The following SPTBN1 variants were observed in gnomAD, a reference collection of about 807,000 sequenced individuals.
SPTBN1 encodes spectrin beta, non-erythrocytic 1.
Under a neutral mutation model 266.4 loss-of-function variants are expected in SPTBN1, and 32 were observed. The observed-to-expected ratio is 0.12, with a 90% CI of 0.09 to 0.16. SPTBN1 has a LOEUF of 0.16. SPTBN1 is among the 10% of genes least tolerant of loss of function. The pLI, the probability that SPTBN1 is intolerant of heterozygous loss-of-function variation, is 1.00. For missense variants in SPTBN1, 2,296 were observed against 3,067.1 expected (o/e 0.75, Z 5.94); for synonymous variants, 1,336 against 1,162.2 (o/e 1.15, Z -3.04).
At chr2:54,650,122 C>G in intron 26 of SPTBN1, 133 bp downstream of exon 26, 4 of 1,172,630 alleles carry the variant, frequency 3.4e-6, no homozygotes, top group Non-Finnish European at 4.7e-6. Flanking sequence ...CATGTACCCA[C>G]TTTGTAATAG....
chr2:54,508,266 G>A (rs550019932), intron 1 of SPTBN1, among the ~76,000 whole-genome samples: 38 of 152,158 alleles, frequency 2.5e-4, no homozygotes, highest in African/African-American at 8.9e-4. Context: ...TAGACCCTGT[G>A]GGAAAGGCCT....
chr2:54,552,628 T>C (rs530461167), intron 2 of SPTBN1, among the ~76,000 whole-genome samples: 144 of 152,128 alleles, frequency 9.5e-4, no homozygotes, highest in African/African-American at 3.1e-3. Flanking sequence ...GGCTCATTTT[T>C]GTATTTTCAA....
At chr2:54,617,722 G>T (rs1240153651) in intron 6 of SPTBN1, 34 bp downstream of exon 6, 1 of 1,602,158 alleles carries the variant, frequency 6.2e-7, no homozygotes, top group Non-Finnish European at 8.5e-7. Context: ...GCAATCGTGG[G>T]GTAAAAGGTT....
intron 18 of SPTBN1, 137 bp downstream of exon 18, chr2:54,637,940 G>C (rs1453861378): frequency 1.5e-6 from 1 of 667,858 alleles, no homozygotes; most frequent in African/African-American, 1.8e-5. Context: ...CGCAGGCAGG[G>C]ATACGTGGCA....
At chr2:54,581,034 G>T (rs1674860264) in intron 2 of SPTBN1, among the ~76,000 whole-genome samples, 1 of 151,718 alleles carries the variant, frequency 6.6e-6, no homozygotes, top group Non-Finnish European at 1.5e-5. Context: ...GGTGGTGGAG[G>T]TTGCAGTGAG....
chr2:54,633,422 TGTGC>T (rs1202144677), intron 17 of SPTBN1, among the ~76,000 whole-genome samples: 1 of 135,466 alleles, frequency 7.4e-6, no homozygotes, highest in East Asian at 2.1e-4. Flanking sequence ...TGTGTGTGTG[TGTGC>T]GTGTGTGTGT....
Position 54,632,580 on chromosome 2 carries a change from T to C in SPTBN1, c.3579T>C (p.Ala1193=), listed in dbSNP as rs1190443359. 1 of 1,614,252 alleles carries C rather than the reference T, an allele frequency of 6.2e-7. No homozygotes were observed. Among genetic ancestry groups the C allele is most frequent in the Non-Finnish European group, 8.5e-7 (1 of 1,180,042 alleles). Residue 1193 remains alanine, a synonymous_variant, in exon 17 of 36, where the codon GCT becomes GCC. Coordinates refer to ENST00000356805, the MANE Select transcript of SPTBN1 (RefSeq NM_003128.3). ...TTTTAAATAAGGAGTATGTTCTGGC[T>C]CACACTGAAATGCCTACCACCTTGG... The part of the protein sequence containing the change: ...AFLNNQEYVL[A]HTEMPTTLEG...
intron 1 of SPTBN1, among the ~76,000 whole-genome samples, chr2:54,513,833 CT>C (rs1302822947): frequency 6.6e-6 from 1 of 152,126 alleles, no homozygotes; most frequent in Non-Finnish European, 1.5e-5. Flanking sequence ...TTTGGTAGGA[CT>C]TAAAAAATAT....
rs1236632622 is a variant in SPTBN1 at position 54,630,920 on chromosome 2, A to G, written c.2873A>G (p.Gln958Arg). ...GCCCTCCTGTCTGCCCTGAGCATCC[A>G]GAACTACCACCTCGAGTGCAATGAA... The part of the protein sequence containing the change: ...KDALLSALSI[Q>R]NYHLECNETK... The change falls in exon 16 of 36, where the codon CAG becomes CGG. Residue 958 changes from glutamine (Q) to arginine (R), a missense_variant. Around this residue, in one of 12 missense-constraint regions of SPTBN1, gnomAD observed 128 missense variants for 176.5 expected, o/e 0.73. Transcript: ENST00000356805. 8 of 1,613,746 alleles carry G rather than the reference A, an allele frequency of 5.0e-6. No individual in the cohort carries two copies. The highest frequency in any genetic ancestry group is 6.8e-6 in the Non-Finnish European group (8 of 1,179,894).
chr2:54,508,936 A>G (rs535305199), intron 1 of SPTBN1, among the ~76,000 whole-genome samples: 11 of 152,308 alleles, frequency 7.2e-5, no homozygotes, highest in African/African-American at 2.4e-4. Flanking sequence ...TTCTGCCTAT[A>G]TAACAGCATG....
At chr2:54,552,563 TCTC>T (rs35741603) in intron 2 of SPTBN1, among the ~76,000 whole-genome samples, 114,381 of 151,344 alleles carry the variant, frequency 0.76, 43,801 homozygotes, top group African/African-American at 0.9. Flanking sequence ...TTCAAGCGAT[TCTC>T]CTGCCTCAGC....
At position 54,670,888 on chromosome 2, in the gene SPTBN1, A is replaced by AT. The variant is rs1201283315; in HGVS notation, c.*2320dup. On this transcript the variant is annotated 3_prime_UTR_variant, in exon 36 of 36. Transcript: ENST00000356805. ...AGACCCCAGTCAAGACGTGTTCGCC[A>AT]TCAGAGGTTACAGGCCGCACAGCCT... 2.5e-6 allele frequency: 1 copy of AT among 398,326 alleles called. No homozygotes were observed. Among genetic ancestry groups the AT allele is most frequent in the African/African-American group, 2.1e-5 (1 of 48,602 alleles). 24.7% of individuals were successfully genotyped at this position (398,326 alleles called of 1,614,324 possible).
intron 1 of SPTBN1, among the ~76,000 whole-genome samples, chr2:54,499,158 G>C (rs999969395): frequency 7.1e-6 from 1 of 141,194 alleles, no homozygotes; most frequent in Non-Finnish European, 1.5e-5. Context: ...TCTGTTCTCA[G>C]ATGACAGTGA....
chr2:54,657,824 G>A (rs1181561807), intron 29 of SPTBN1, 26 bp from the exon 30 acceptor site: 1 of 1,613,880 alleles, frequency 6.2e-7, no homozygotes, highest in Admixed American at 1.7e-5. Context: ...TGGTCAACGT[G>A]TACTAACTCA....
At chr2:54,632,871 G>T (rs994266544) in intron 17 of SPTBN1, 103 bp downstream of exon 17, 1 of 1,306,070 alleles carries the variant, frequency 7.7e-7, no homozygotes, top group East Asian at 2.5e-5. Flanking sequence ...AAATTTCCCA[G>T]TGGGCAGAAT....
At position 54,629,226 on chromosome 2, in the gene SPTBN1, A is replaced by G. The variant is rs1678563694; in HGVS notation, c.2092A>G (p.Ile698Val). ...SGRSGHFEQA[I>V]KEGEDMIAEE... ...CCGCAGTGGCCACTTTGAGCAGGCC[A>G]TCAAGGAAGGCGAAGACATGATCGC... The change falls in exon 14 of 36, where the codon ATC becomes GTC. Residue 698 changes from isoleucine (I) to valine (V), a missense_variant. By Grantham distance (29) the Ile-to-Val change is conservative (BLOSUM62 3). This residue lies in a region of SPTBN1 where 434 missense variants were observed against 573.9 expected (regional missense o/e 0.76). Transcript: ENST00000356805. 1 of 1,613,772 alleles carries G rather than the reference A, an allele frequency of 6.2e-7. No individual in the cohort carries two copies. The highest frequency in any genetic ancestry group is 1.3e-5 in the African/African-American group (1 of 74,952).
chr2:54,530,353 C>CTT lies in SPTBN1; in HGVS notation c.148+3809_148+3810dup, dbSNP rs549491367. 3.3e-3 allele frequency among the ~76,000 whole-genome samples: 246 copies of CTT among 73,886 alleles called. 2 individuals carry two copies. Among genetic ancestry groups the CTT allele is most frequent in the East Asian group, 8.2e-3 (18 of 2,190 alleles). The allele number at this position is 73,886 out of a possible 152,430, so 48.5% of individuals were successfully genotyped here. On this transcript the variant is annotated intron_variant, in intron 2 of 35. Coordinates refer to ENST00000356805, the MANE Select transcript of SPTBN1 (RefSeq NM_003128.3). Reference sequence around the variant, plus strand: ...TAGGTTATCTGTGAATTGTAAAAAACTTTTTTTTTTTTTTTTTTTTTTTGA... The same window carrying CTT: ...TAGGTTATCTGTGAATTGTAAAAAACTTTTTTTTTTTTTTTTTTTTTTTTTGA...
chr2:54,465,329 A>T (rs940876137), intron 1 of SPTBN1, among the ~76,000 whole-genome samples: 1 of 152,170 alleles, frequency 6.6e-6, no homozygotes, highest in African/African-American at 2.4e-5. Flanking sequence ...GAATTCCATG[A>T]CGTGCATGTT....
chr2:54,552,799 C>A (rs921993545), intron 2 of SPTBN1, among the ~76,000 whole-genome samples: 1 of 152,314 alleles, frequency 6.6e-6, no homozygotes, highest in Non-Finnish European at 1.5e-5. Context: ...CTTCACATGT[C>A]CAAGCCCTGA....
Sources: allele counts gnomAD v4.1 joint callset (sites outside exome capture counted in the v4.1 genomes callset), GRCh38; gene constraint gnomAD v4.1.1; regional missense constraint gnomAD v4.1.1; transcripts MANE v1.5; gene names NCBI Gene and HGNC (gene_info 2026-07-23, HGNC 2026-07-21).